GIPC2: variants seen among roughly 807,000 people sequenced by gnomAD.
GIPC2 encodes GIPC PDZ domain containing family member 2.
GIPC2 carries 30 observed loss-of-function variants against 30.6 expected under a neutral mutation model. The ratio of observed to expected loss-of-function variants is 0.98; its 90% CI spans 0.73 to 1.33. The LOEUF is 1.33. Ranked by LOEUF, GIPC2 falls within the 40% of genes most tolerant of loss-of-function variation. GIPC2 has a pLI of 0.00. For synonymous variants in GIPC2, 167 were observed against 150.0 expected, an observed-to-expected ratio of 1.11 and a Z score of -0.83; for missense variants, 414 against 390.3, an observed-to-expected ratio of 1.06 and a Z score of -0.51.
At chr1:78,111,763 T>C (rs1282138679) in intron 3 of GIPC2, among the ~76,000 whole-genome samples, 32 of 152,354 alleles carry the variant, frequency 2.1e-4, no homozygotes, top group Non-Finnish European at 1.5e-5. Flanking sequence ...ATTTGAGTAC[T>C]TAAAACTATG....
At chr1:78,062,522 A>G (rs888756545) in intron 1 of GIPC2, among the ~76,000 whole-genome samples, 3 of 142,672 alleles carry the variant, frequency 2.1e-5, no homozygotes, top group African/African-American at 7.8e-5. Context: ...TTTTTTTTTA[A>G]TTTGAGAGGG....
In GIPC2 at chr1:78,119,507, A is replaced by G. The variant is rs1315831299; in HGVS notation, c.714+8A>G. The G allele has an allele frequency of 2.0e-6, 3 of 1,513,470 alleles. No homozygotes were observed. The highest frequency in any genetic ancestry group is 2.8e-6 in the Non-Finnish European group (3 of 1,088,916). The allele number at this position is 1,513,470 out of a possible 1,614,324, so 93.8% of individuals were successfully genotyped here. A position where few individuals can be genotyped will look rare whatever the true frequency, so the allele number is the denominator to read the frequency against. On this transcript the variant is annotated splice_region_variant and intron_variant, in intron 4 of 5. Coordinates refer to ENST00000370759, the MANE Select transcript of GIPC2 (RefSeq NM_017655.6). ...GCCACCGTGGAAGAAATGGTATGTT[A>G]TGTTCATTTACTTCCTGTTCTGCTT...
At chr1:78,065,975 A>C (rs553229391) in intron 1 of GIPC2, among the ~76,000 whole-genome samples, 1 of 152,380 alleles carries the variant, frequency 6.6e-6, no homozygotes, top group East Asian at 1.9e-4. Context: ...TTCTGGACAT[A>C]GGAATGGGCA....
intron 3 of GIPC2, among the ~76,000 whole-genome samples, chr1:78,110,035 T>C (rs569452585): frequency 3.3e-5 from 5 of 150,068 alleles, no homozygotes; most frequent in Non-Finnish European, 5.9e-5. Context: ...GGGGGCCTGT[T>C]GTGGGGTGGG....
Position 78,046,184 on chromosome 1 carries a change from G to A in GIPC2, c.90G>A (p.Gly30=). 6.4e-7 allele frequency: 1 copy of A among 1,574,458 alleles called. No individual in the cohort carries two copies. Among genetic ancestry groups the A allele is most frequent in the Non-Finnish European group, 8.6e-7 (1 of 1,162,748 alleles). ...VEGEPTGAGG[G]SLSASRAPAR... The stretch of plus-strand genomic sequence containing the variant: ...GCGAGCCGACGGGCGCGGGCGGCGG[G>A]AGCCTCTCAGCGTCCCGGGCTCCCG... Residue 30 remains glycine, a synonymous_variant, in exon 1 of 6, where the codon GGG becomes GGA. Coordinates refer to ENST00000370759, the MANE Select transcript of GIPC2 (RefSeq NM_017655.6).
intron 1 of GIPC2, among the ~76,000 whole-genome samples, chr1:78,067,748 G>A (rs1451733021): frequency 1.3e-5 from 2 of 152,080 alleles, no homozygotes; most frequent in Non-Finnish European, 2.9e-5. Context: ...ACTGCACCTC[G>A]CCTCAAATTT....
intron 1 of GIPC2, among the ~76,000 whole-genome samples, chr1:78,068,835 G>A (rs1198331289): frequency 2.0e-5 from 3 of 152,102 alleles, no homozygotes; most frequent in African/African-American, 7.2e-5. Flanking sequence ...AGGTAGCAAG[G>A]GCTCAGTGTC....
rs74943420 is a variant in GIPC2, at chr1:78,135,047, A to G, written c.797-545A>G. Among the ~76,000 whole-genome samples, 45 of 152,284 alleles carry G rather than the reference A, an allele frequency of 3.0e-4. No homozygotes were observed. The East Asian group carries it at 8.7e-3, about 29-fold the overall frequency. On this transcript the variant is annotated intron_variant, in intron 5 of 5. Transcript: ENST00000370759. ...AACTGGAGAGGGGCTCAGAAAAGGT[A>G]CCTTGATTCCACAGGTAGACAGATG...
In GIPC2 at chr1:78,080,799, A is replaced by G; in HGVS notation, c.365A>G (p.Lys122Arg). 1 of 1,610,264 alleles carries G rather than the reference A, an allele frequency of 6.2e-7. No homozygotes were observed. Among genetic ancestry groups the G allele is most frequent in the Non-Finnish European group, 8.5e-7 (1 of 1,176,750 alleles). ...KGIEKEVNVYKSEDSLGLTIT... is the reference protein window; with the variant it reads ...KGIEKEVNVYRSEDSLGLTIT... ...ATCGAAAAAGAAGTGAATGTGTATA[A>G]ATCTGAGGATTCACTTGGTCTCACC... The change falls in exon 2 of 6, where the codon AAA becomes AGA. Residue 122 changes from lysine to arginine, a missense_variant. Physicochemically the swap from Lys to Arg is conservative, Grantham distance 26. Coordinates refer to ENST00000370759, the MANE Select transcript of GIPC2 (RefSeq NM_017655.6).
chr1:78,137,719 T>G lies in GIPC2; in HGVS notation c.*1976T>G, dbSNP rs1227155612. ...ATACTGCCTGTAATAGGTTTTTCCT[T>G]GAAATATCCTTATCTTTCACCTCTA... On this transcript the variant is annotated 3_prime_UTR_variant, in exon 6 of 6. Transcript: ENST00000370759. The G allele has an allele frequency of 6.9e-6, 1 of 145,978 alleles. No homozygotes were observed. Among genetic ancestry groups the G allele is most frequent in the Non-Finnish European group, 1.5e-5 (1 of 66,108 alleles). The allele number at this position is 145,978 out of a possible 1,614,324, so 9.0% of individuals were successfully genotyped here.
intron 3 of GIPC2, 75 bp downstream of exon 3, chr1:78,095,207 C>A: frequency 1.0e-6 from 1 of 983,510 alleles, no homozygotes; most frequent in Non-Finnish European, 1.6e-6. Context: ...GAAATGAGTA[C>A]TGTGATATGG....
intron 1 of GIPC2, among the ~76,000 whole-genome samples, chr1:78,063,504 C>CA (rs141644337): frequency 0.23 from 33,748 of 145,168 alleles, 4,078 homozygotes; most frequent in East Asian, 0.5. Context: ...AAAAAACAAA[C>CA]AAAAAAAAAA....
chr1:78,081,594 G>C (rs1251242593), intron 2 of GIPC2, among the ~76,000 whole-genome samples: 1 of 152,100 alleles, frequency 6.6e-6, no homozygotes, highest in Non-Finnish European at 1.5e-5. Context: ...TGGATACCCA[G>C]GGCCAACTGT....
At chr1:78,078,828 A>G (rs777518636) in intron 1 of GIPC2, among the ~76,000 whole-genome samples, 22 of 145,242 alleles carry the variant, frequency 1.5e-4, no homozygotes, top group Non-Finnish European at 2.8e-4. Flanking sequence ...TACCATGGAC[A>G]GATTCACCGG....
At chr1:78,048,470 A>T (rs1661137653) in intron 1 of GIPC2, among the ~76,000 whole-genome samples, 3 of 151,148 alleles carry the variant, frequency 2.0e-5, no homozygotes, top group Non-Finnish European at 4.4e-5. Context: ...TCTGTTGCCC[A>T]GGCTGGACTG....
chr1:78,084,157 G>A (rs1253906156), intron 2 of GIPC2, among the ~76,000 whole-genome samples: 3 of 152,202 alleles, frequency 2.0e-5, no homozygotes, highest in Non-Finnish European at 4.4e-5. Flanking sequence ...CTCATACATT[G>A]CTATTGGAGT....
chr1:78,073,122 G>C (rs1402060694), intron 1 of GIPC2, among the ~76,000 whole-genome samples: 4 of 135,972 alleles, frequency 2.9e-5, no homozygotes, highest in Non-Finnish European at 6.3e-5. Flanking sequence ...TTTTTTTTTT[G>C]AGACAGAGTA....
chr1:78,084,670 T>C (rs1661894428), intron 2 of GIPC2, among the ~76,000 whole-genome samples: 1 of 152,228 alleles, frequency 6.6e-6, no homozygotes, highest in Admixed American at 6.5e-5. Flanking sequence ...TTAGCTGTAT[T>C]CCTAGGTATT....
chr1:78,100,520 G>C (rs1355363009), intron 3 of GIPC2, among the ~76,000 whole-genome samples: 1 of 152,164 alleles, frequency 6.6e-6, no homozygotes, highest in African/African-American at 2.4e-5. Context: ...GTCATTCTTT[G>C]AGATGAGGAA....
Sources: allele counts gnomAD v4.1 joint callset (sites outside exome capture counted in the v4.1 genomes callset), GRCh38; gene constraint gnomAD v4.1.1; transcripts MANE v1.5; gene names NCBI Gene and HGNC (gene_info 2026-07-23, HGNC 2026-07-21).